ATP13A4: variants seen among roughly 807,000 people sequenced by gnomAD.
The protein encoded by ATP13A4 is probable cation-transporting ATPase 13A4.
Under a neutral mutation model 142.5 loss-of-function variants are expected in ATP13A4, and 114 were observed. The ratio of observed to expected loss-of-function variants is 0.80; its 90% confidence interval spans 0.69 to 0.93. The LOEUF is 0.93. Ranked by LOEUF, ATP13A4 falls within the 40% of genes least tolerant of loss-of-function variation. The probability of loss-of-function intolerance (pLI) is 0.00; values close to 1 mark genes in which losing one functional copy is unlikely to be tolerated. For missense variants in ATP13A4, 1,392 were observed against 1,454.0 expected (o/e 0.96, Z 0.69); for synonymous variants, 488 against 514.8 (o/e 0.95, Z 0.70).
chr3:193,550,397 C>A (rs1210287901), intron 1 of ATP13A4, among the ~76,000 whole-genome samples: 3 of 151,298 alleles, frequency 2.0e-5, no homozygotes, highest in Non-Finnish European at 4.4e-5. Flanking sequence ...GCCTCAACCT[C>A]CTGGACCAAA....
rs77496353 is a variant in ATP13A4, at chr3:193,523,516, G to A, written c.61-8645C>T. 6.8e-4 allele frequency among the ~76,000 whole-genome samples: 104 copies of A among 152,308 alleles called. 2 individuals are homozygous for A. In the East Asian group the frequency reaches 0.014, roughly 21 times the overall value. On this transcript the variant is annotated intron_variant, in intron 1 of 29. Transcript: ENST00000342695. ...GCCAATGATTTAATCAGTTATGCCT[G>A]TGTAGTGGAAGCTCCATAAAAACCC...
intron 17 of ATP13A4, among the ~76,000 whole-genome samples, chr3:193,451,285 C>T (rs1175677378): frequency 6.6e-6 from 1 of 152,146 alleles, no homozygotes; most frequent in African/African-American, 2.4e-5. Context: ...CAGATTAGGC[C>T]AAGAAAATGG....
In ATP13A4 at chr3:193,585,540, C is replaced by T. The variant is rs538913836; in HGVS notation, n.92-3634G>A. ...TATTGTTAGTTTATTTTATGTGTGG[C>T]CCAAGACAATTCTTCTTCCAATGTG... On this transcript the variant is annotated intron_variant and non_coding_transcript_variant, in intron 1 of 3. Transcript: ENST00000489140. Among the ~76,000 whole-genome samples, 4 of 151,916 alleles carry T rather than the reference C, an allele frequency of 2.6e-5. No homozygotes were observed. The South Asian group carries it at 8.3e-4, about 32-fold the overall frequency.
chr3:193,493,107 T>G lies in ATP13A4; in HGVS notation c.435A>C (p.Gly145=), dbSNP rs151197821. Residue 145 remains glycine (G), a synonymous_variant, in exon 4 of 30, where the codon GGA becomes GGC. Transcript: ENST00000342695. ...CAACTTACCCAATTTTCTGGAACTGTCCTTCTAAGTAGTTCCAAACATATC... is the reference window on the plus strand; with the variant it reads ...CAACTTACCCAATTTTCTGGAACTGGCCTTCTAAGTAGTTCCAAACATATC... ...KIRYVWNYLE[G]QFQKIGSLED... is the part of the protein sequence containing the mutation. The G allele has an allele frequency of 1.2e-6, 2 of 1,613,378 alleles. No homozygotes were observed. The highest frequency in any genetic ancestry group is 3.3e-5 in the Admixed American group (2 of 60,020).
rs151315507 is a variant in ATP13A4, at chr3:193,580,576, A to G, written n.291+1131T>C. Among the ~76,000 whole-genome samples the G allele has an allele frequency of 5.0e-4, 76 of 152,310 alleles. No individual in the cohort carries two copies. In the East Asian group the frequency reaches 0.013, roughly 27 times the overall value. Reference sequence around the variant, plus strand: ...GAAGAATCACCATGCAGAATTACTCAAAGCCTAGTATATATATTTTTTTAT... The same window carrying G: ...GAAGAATCACCATGCAGAATTACTCGAAGCCTAGTATATATATTTTTTTAT... On this transcript the variant is annotated intron_variant and non_coding_transcript_variant, in intron 2 of 3. Coordinates refer to the ATP13A4 transcript ENST00000489140.
chr3:193,493,536 G>A (rs923262138), intron 3 of ATP13A4, among the ~76,000 whole-genome samples: 2 of 152,132 alleles, frequency 1.3e-5, no homozygotes, highest in African/African-American at 4.8e-5. Context: ...TTGAAATGCT[G>A]TAGACGTAAA....
At chr3:193,413,608 A>G (rs1169771600) in intron 26 of ATP13A4, among the ~76,000 whole-genome samples, 1 of 152,120 alleles carries the variant, frequency 6.6e-6, no homozygotes, top group Non-Finnish European at 1.5e-5. Context: ...TCCTGGAGGG[A>G]GGTCAATAAA....
chr3:193,553,841 G>T (rs1723732253), intron 1 of ATP13A4: 1 of 152,132 alleles, frequency 6.6e-6, no homozygotes, highest in African/African-American at 2.4e-5. Context: ...AATTAACCAA[G>T]AAAACATTTT....
At chr3:193,570,423 T>C (rs1724234118) in intron 2 of ATP13A4, among the ~76,000 whole-genome samples, 1 of 152,226 alleles carries the variant, frequency 6.6e-6, no homozygotes, top group Non-Finnish European at 1.5e-5. Context: ...GGAAAAGTAT[T>C]TTATTTCTTA....
intron 1 of ATP13A4, chr3:193,592,892 T>A (rs915895795): frequency 5.0e-5 from 8 of 161,100 alleles, no homozygotes; most frequent in Non-Finnish European, 9.4e-5. Flanking sequence ...GTTTCCTTCG[T>A]GCTCCCTCAA....
intron 6 of ATP13A4, among the ~76,000 whole-genome samples, chr3:193,490,683 C>A (rs1264051591): frequency 2.6e-5 from 4 of 152,140 alleles, no homozygotes; most frequent in Non-Finnish European, 5.9e-5. Flanking sequence ...CAGAAACATT[C>A]CCTATTGGTT....
In ATP13A4 at chr3:193,570,804, T is replaced by C. The variant is rs756317270; in HGVS notation, n.291+10903A>G. Among the ~76,000 whole-genome samples the C allele has an allele frequency of 1.5e-3, 228 of 152,306 alleles. 3 individuals carry two copies. Among genetic ancestry groups the C allele is most frequent in the Admixed American group, 5.6e-3 (85 of 15,294 alleles). ...TTATTTATCTCTACAAGCTTCAGGC[T>C]CATCATATGGGACCAAAGGATAATA... On this transcript the variant is annotated intron_variant and non_coding_transcript_variant, in intron 2 of 3. Transcript: ENST00000489140.
At chr3:193,550,093 T>C (rs1456783872) in intron 1 of ATP13A4, among the ~76,000 whole-genome samples, 1 of 152,164 alleles carries the variant, frequency 6.6e-6, no homozygotes, top group African/African-American at 2.4e-5. Context: ...TATCCACAGA[T>C]TTCTGTGGCA....
intron 25 of ATP13A4, among the ~76,000 whole-genome samples, chr3:193,417,833 A>C (rs1715153023): frequency 6.7e-6 from 1 of 149,362 alleles, no homozygotes; most frequent in Non-Finnish European, 1.5e-5. Flanking sequence ...AAAATACAAA[A>C]AATTAGCGGC....
chr3:193,417,477 AGTGAAG>A (rs1715124753), intron 25 of ATP13A4, among the ~76,000 whole-genome samples: 1 of 152,250 alleles, frequency 6.6e-6, no homozygotes, highest in Non-Finnish European at 1.5e-5. Context: ...ATGCTATTAA[AGTGAAG>A]GTGTTAATTC....
At chr3:193,500,242 C>A (rs892525571) in intron 3 of ATP13A4, among the ~76,000 whole-genome samples, 4 of 152,158 alleles carry the variant, frequency 2.6e-5, no homozygotes, top group African/African-American at 9.7e-5. Flanking sequence ...GATTTCCTCT[C>A]CCCGGGCTTT....
chr3:193,467,594 T>G, intron 9 of ATP13A4, 108 bp from the exon 10 acceptor site: 1 of 1,132,446 alleles, frequency 8.8e-7, no homozygotes, highest in Non-Finnish European at 1.3e-6. Context: ...GAGCCTACCA[T>G]GTGGCAGAGA....
intron 18 of ATP13A4, 28 bp downstream of exon 18, chr3:193,448,178 T>C (rs1227154311): frequency 6.2e-7 from 1 of 1,613,042 alleles, no homozygotes; most frequent in Non-Finnish European, 8.5e-7. Flanking sequence ...AAATTCTTAC[T>C]GTTTTCACTG....
At chr3:193,561,915 T>C (rs1724025712) in intron 2 of ATP13A4, among the ~76,000 whole-genome samples, 1 of 152,224 alleles carries the variant, frequency 6.6e-6, no homozygotes, top group Non-Finnish European at 1.5e-5. Flanking sequence ...GGACTACCTA[T>C]GTCTACCATG....
Sources: gnomAD v4.1 joint callset for allele counts (sites outside exome capture counted in the v4.1 genomes callset) on GRCh38, gnomAD v4.1.1 for gene constraint, MANE v1.5 for transcripts, NCBI Gene and HGNC (gene_info 2026-07-23, HGNC 2026-07-21) for gene names.